Variants in FOXP1 observed in about 807,000 individuals in gnomAD.
FOXP1 encodes the protein forkhead box protein P1.
A neutral mutation model predicts 98.2 loss-of-function variants in FOXP1; 15 were observed. The ratio of observed to expected loss-of-function variants is 0.15; its 90% CI spans 0.10 to 0.24. FOXP1 has a LOEUF of 0.24. Ranked by LOEUF, FOXP1 falls within the 10% of genes least tolerant of loss-of-function variation. FOXP1 has a pLI of 1.00. For missense variants in FOXP1, 633 were observed against 848.5 expected (o/e 0.75, Z 3.15); for synonymous variants, 371 against 314.5 (o/e 1.18, Z -1.90).
intron 3 of FOXP1, among the ~76,000 whole-genome samples, chr3:71,372,565 C>T (rs879329208): frequency 1.1e-4 from 16 of 152,070 alleles, no homozygotes; most frequent in Admixed American, 2.0e-4. Flanking sequence ...AGAAAGAAGC[C>T]GAGAGGGCAA....
At chr3:71,544,154 C>T (rs1183721624) in intron 2 of FOXP1, among the ~76,000 whole-genome samples, 1 of 150,998 alleles carries the variant, frequency 6.6e-6, no homozygotes, top group Non-Finnish European at 1.5e-5. Flanking sequence ...TGACCAATGC[C>T]GTAGCAGTAT....
intron 6 of FOXP1, among the ~76,000 whole-genome samples, chr3:71,113,457 G>A (rs1301112388): frequency 1.3e-5 from 2 of 152,236 alleles, no homozygotes; most frequent in Middle Eastern, 3.4e-3. Flanking sequence ...CAGGCTGGGC[G>A]TTGTGGCTCA....
At chr3:71,344,316 CTT>C (rs1002811328) in intron 4 of FOXP1, among the ~76,000 whole-genome samples, 1 of 152,128 alleles carries the variant, frequency 6.6e-6, no homozygotes, top group Non-Finnish European at 1.5e-5. Context: ...TTTTTTCTAT[CTT>C]TTTTTCTATT....
chr3:71,252,018 T>A (rs1381059290), intron 5 of FOXP1, among the ~76,000 whole-genome samples: 1 of 152,194 alleles, frequency 6.6e-6, no homozygotes, highest in African/African-American at 2.4e-5. Context: ...CAGTTAGGGA[T>A]GGTGATCTAA....
At chr3:71,582,045 T>G in intron 1 of FOXP1, 1 of 980,706 alleles carries the variant, frequency 1.0e-6, no homozygotes, top group Non-Finnish European at 1.2e-6. Flanking sequence ...TATTTAGTCC[T>G]TATTCTCACA....
chr3:71,056,846 T>C (rs1048454694), intron 7 of FOXP1, among the ~76,000 whole-genome samples: 1 of 152,240 alleles, frequency 6.6e-6, no homozygotes, highest in African/African-American at 2.4e-5. Flanking sequence ...TGAGCAGTTT[T>C]TAAGGCTTTA....
At chr3:71,406,908 C>T (rs1410374615) in intron 3 of FOXP1, among the ~76,000 whole-genome samples, 1 of 152,168 alleles carries the variant, frequency 6.6e-6, no homozygotes, top group African/African-American at 2.4e-5. Context: ...AACTTAGGTA[C>T]CAAGCACAGT....
At chr3:71,128,719 A>G (rs2059385978) in intron 6 of FOXP1, among the ~76,000 whole-genome samples, 1 of 152,164 alleles carries the variant, frequency 6.6e-6, no homozygotes, top group African/African-American at 2.4e-5. Flanking sequence ...CGAACTACTG[A>G]GGCAGACATT....
chr3:71,133,898 A>T (rs1462748005), intron 6 of FOXP1, among the ~76,000 whole-genome samples: 1 of 152,192 alleles, frequency 6.6e-6, no homozygotes, highest in Non-Finnish European at 1.5e-5. Flanking sequence ...CAAACAGATT[A>T]TGACTCTATA....
chr3:71,574,079 C>T (rs970118186), intron 2 of FOXP1: 1 of 152,174 alleles, frequency 6.6e-6, no homozygotes, highest in African/African-American at 2.4e-5. Context: ...AGTAGAGACA[C>T]TCTACTTTTA....
At chr3:71,356,763 T>A (rs987713976) in intron 4 of FOXP1, among the ~76,000 whole-genome samples, 1 of 152,224 alleles carries the variant, frequency 6.6e-6, no homozygotes, top group Non-Finnish European at 1.5e-5. Flanking sequence ...TTAACCATGC[T>A]GCTATCCTGT....
At chr3:71,014,433 C>T (rs1029851086) in intron 12 of FOXP1, among the ~76,000 whole-genome samples, 7 of 152,044 alleles carry the variant, frequency 4.6e-5, no homozygotes, top group South Asian at 2.1e-4. Context: ...AAATCAAAAC[C>T]GCAATGAGAT....
At position 71,353,293 on chromosome 3, in the gene FOXP1, C is replaced by T. The variant is rs566414027; in HGVS notation, c.-73+5857G>A. ...AGGGCAGCACAAGGGCTGATCTAGGCCCTCAAGCATCCCGCGTAAACTGCC... is the reference window on the plus strand; with the variant it reads ...AGGGCAGCACAAGGGCTGATCTAGGTCCTCAAGCATCCCGCGTAAACTGCC... On this transcript the variant is annotated intron_variant, in intron 4 of 20. Transcript: ENST00000649528. Among the ~76,000 whole-genome samples the T allele has an allele frequency of 7.9e-4, 120 of 152,308 alleles. 2 individuals carry two copies. In the South Asian group the frequency reaches 0.024, roughly 30 times the overall value.
chr3:71,536,636 C>G (rs568126669), intron 2 of FOXP1, among the ~76,000 whole-genome samples: 5 of 148,698 alleles, frequency 3.4e-5, no homozygotes, highest in African/African-American at 1.3e-4. Flanking sequence ...GATAACACAG[C>G]TTTCAGAATA....
chr3:71,241,897 A>G (rs1484940289), intron 5 of FOXP1, among the ~76,000 whole-genome samples: 1 of 152,220 alleles, frequency 6.6e-6, no homozygotes, highest in Non-Finnish European at 1.5e-5. Context: ...AACTCTCTAA[A>G]CAAATATATG....
intron 7 of FOXP1, among the ~76,000 whole-genome samples, chr3:71,090,978 T>C (rs1420184182): frequency 6.6e-6 from 1 of 152,120 alleles, no homozygotes; most frequent in Non-Finnish European, 1.5e-5. Flanking sequence ...ATTTTTTGTG[T>C]GTCCAGACCA....
intron 6 of FOXP1, among the ~76,000 whole-genome samples, chr3:71,175,449 T>C (rs755229866): frequency 4.6e-5 from 7 of 152,210 alleles, no homozygotes; most frequent in Admixed American, 6.5e-5. Flanking sequence ...ATTGATGACT[T>C]TTCTTCAAAT....
rs1439530234 is a variant in FOXP1, at chr3:71,072,981, GC to G, written c.283-19209del. ...TTGAGAAAATGCGTCTAGCCTGCAG[GC>G]CAATTATTTATTTTTTATTATTTCA... On this transcript the variant is annotated intron_variant, in intron 7 of 20. Transcript: ENST00000649528. Among the ~76,000 whole-genome samples, 8 of 152,274 alleles carry G rather than the reference GC, an allele frequency of 5.3e-5. No homozygotes were observed. In the South Asian group the frequency reaches 1.5e-3, roughly 28 times the overall value.
At chr3:71,165,073 T>G (rs1447987589) in intron 6 of FOXP1, among the ~76,000 whole-genome samples, 3 of 152,006 alleles carry the variant, frequency 2.0e-5, no homozygotes, top group Non-Finnish European at 4.4e-5. Context: ...GAAAGTGAAC[T>G]CCCATGAATT....
Sources: gnomAD v4.1 joint callset for allele counts (sites outside exome capture counted in the v4.1 genomes callset) on GRCh38, gnomAD v4.1.1 for gene constraint, MANE v1.5 for transcripts, NCBI Gene and HGNC (gene_info 2026-07-23, HGNC 2026-07-21) for gene names.